SGIP1: variants seen among roughly 807,000 people sequenced by gnomAD.
SGIP1 encodes SH3GL interacting endocytic adaptor 1, also known as SH3-containing GRB2-like protein 3-interacting protein 1.
Under a neutral mutation model 107.5 loss-of-function variants are expected in SGIP1, and 38 were observed. The ratio of observed to expected loss-of-function variants is 0.35; its 90% confidence interval spans 0.27 to 0.46. The LOEUF (loss-of-function observed/expected upper bound fraction) is 0.46. SGIP1 is among the 20% of genes least tolerant of loss of function. SGIP1 has a pLI of 1.00. For missense variants in SGIP1, 929 were observed against 1,019.5 expected, an observed-to-expected ratio of 0.91 and a Z score of 1.21; for synonymous variants, 365 against 366.1, an observed-to-expected ratio of 1.00 and a Z score of 0.03.
intron 1 of SGIP1, among the ~76,000 whole-genome samples, chr1:66,596,668 G>C (rs1376144525): frequency 6.6e-6 from 1 of 151,240 alleles, no homozygotes; most frequent in Non-Finnish European, 1.5e-5. Context: ...TATCAGCCTA[G>C]GCATTTGGCT....
chr1:66,721,764 G>A (rs1419220279), intron 19 of SGIP1, among the ~76,000 whole-genome samples: 1 of 152,098 alleles, frequency 6.6e-6, no homozygotes, highest in Non-Finnish European at 1.5e-5. Flanking sequence ...ATACCTGAGT[G>A]AAAACCGCTG....
chr1:66,602,640 TAATA>T (rs59060604), intron 1 of SGIP1, among the ~76,000 whole-genome samples: 20 of 150,638 alleles, frequency 1.3e-4, no homozygotes, highest in Middle Eastern at 3.4e-3. Flanking sequence ...TAAAGTATAA[TAATA>T]AATAAATAAA....
intron 17 of SGIP1, 75 bp from the exon 18 acceptor site, chr1:66,695,359 C>G (rs2090706344): frequency 6.2e-7 from 1 of 1,609,748 alleles, no homozygotes; most frequent in African/African-American, 1.3e-5. Context: ...ATGACCTGCT[C>G]TGTAACTCAC....
Position 66,723,591 on chromosome 1 carries a change from C to T in SGIP1, c.1742+4186C>T, listed in dbSNP as rs181773902. 7.2e-3 allele frequency among the ~76,000 whole-genome samples: 1,092 copies of T among 152,300 alleles called. 14 individuals are homozygous for T. Among genetic ancestry groups the T allele is most frequent in the African/African-American group, 0.025 (1,034 of 41,566 alleles). On this transcript the variant is annotated intron_variant, in intron 19 of 24. Transcript: ENST00000371037. ...CTCTCTTATCCTTCTTTTATCATCA[C>T]ATTTTAATTATTTATTCAGTATCTG...
At chr1:66,630,846 A>G (rs1224010661) in intron 2 of SGIP1, among the ~76,000 whole-genome samples, 1 of 21,584 alleles carries the variant, frequency 4.6e-5, no homozygotes, top group African/African-American at 2.9e-4. Flanking sequence ...AAAGAAAGAA[A>G]GAAAGAAAGA....
chr1:66,691,619 T>C (rs1168011256), intron 17 of SGIP1, among the ~76,000 whole-genome samples: 1 of 106,428 alleles, frequency 9.4e-6, no homozygotes, highest in Non-Finnish European at 2.1e-5. Context: ...CTCTGTTTTG[T>C]TTGTTTGTTT....
In SGIP1 at chr1:66,651,540, T is replaced by G. The variant is rs572989339; in HGVS notation, c.459+7821T>G. 3.4e-5 allele frequency among the ~76,000 whole-genome samples: 5 copies of G among 148,760 alleles called. No individual in the cohort carries two copies. The East Asian group carries it at 9.8e-4, about 29-fold the overall frequency. The stretch of plus-strand genomic sequence containing the variant: ...TTCAAAATATTTTACATACAATTTC[T>G]GAATGCTCACATGAAATAAACTCTT... On this transcript the variant is annotated intron_variant, in intron 7 of 24. Coordinates refer to ENST00000371037, the MANE Select transcript of SGIP1 (RefSeq NM_032291.4).
At position 66,599,679 on chromosome 1, in the gene SGIP1, C is replaced by T. The variant is rs77524962; in HGVS notation, c.11-26168C>T. Among the ~76,000 whole-genome samples the T allele has an allele frequency of 1.9e-3, 284 of 152,152 alleles. 3 individuals are homozygous for T. Among genetic ancestry groups the T allele is most frequent in the African/African-American group, 6.4e-3 (267 of 41,510 alleles). On this transcript the variant is annotated intron_variant, in intron 1 of 24. Transcript: ENST00000371037. The stretch of plus-strand genomic sequence containing the variant: ...GCTGCCCCACTTGATTTTGAGTATA[C>T]GAGGAAAATGTACAAAATACTATGA...
chr1:66,707,680 A>G, intron 18 of SGIP1, among the ~76,000 whole-genome samples: 1 of 152,194 alleles, frequency 6.6e-6, no homozygotes, highest in South Asian at 2.1e-4. Flanking sequence ...TTCTCCCACC[A>G]GCAGTTGCAT....
intron 1 of SGIP1, among the ~76,000 whole-genome samples, chr1:66,568,710 A>C (rs2148562935): frequency 6.6e-6 from 1 of 152,128 alleles, no homozygotes; most frequent in East Asian, 1.9e-4. Context: ...AGGCTGGTTC[A>C]ACATACGCAA....
chr1:66,573,092 G>C (rs1205477923), intron 1 of SGIP1, among the ~76,000 whole-genome samples: 2 of 152,012 alleles, frequency 1.3e-5, no homozygotes, highest in Admixed American at 6.6e-5. Flanking sequence ...AATTGGTGTA[G>C]GGTTTCTTCG....
intron 1 of SGIP1, among the ~76,000 whole-genome samples, chr1:66,620,267 A>T (rs1423602113): frequency 6.6e-6 from 1 of 152,196 alleles, no homozygotes; most frequent in East Asian, 1.9e-4. Context: ...ACACCAGTAA[A>T]CACACTAATT....
At position 66,744,207 on chromosome 1, in the gene SGIP1, A is replaced by C. The variant is rs992988329; in HGVS notation, c.*1112A>C. 5.3e-5 allele frequency: 8 copies of C among 152,316 alleles called. No homozygotes were observed. The highest frequency in any genetic ancestry group is 2.0e-4 in the Admixed American group (3 of 15,304). The allele number at this position is 152,316 out of a possible 1,614,324, so 9.4% of individuals were successfully genotyped here. Reference sequence around the variant, plus strand: ...GAGAATGAAAAAATAAGCTTCATAAATGAAATTCTATTCACATTACTGTGT... The same window carrying C: ...GAGAATGAAAAAATAAGCTTCATAACTGAAATTCTATTCACATTACTGTGT... On this transcript the variant is annotated 3_prime_UTR_variant, in exon 25 of 25. Transcript: ENST00000371037.
intron 18 of SGIP1, among the ~76,000 whole-genome samples, chr1:66,697,279 C>T (rs2091105486): frequency 1.3e-5 from 2 of 152,190 alleles, no homozygotes; most frequent in East Asian, 1.9e-4. Context: ...TGTGGAATAA[C>T]ATATCACATT....
chr1:66,588,183 G>T (rs1424339466), intron 1 of SGIP1, among the ~76,000 whole-genome samples: 1 of 151,946 alleles, frequency 6.6e-6, no homozygotes. Context: ...TCTTTGATTC[G>T]GGAGATTGCC....
intron 18 of SGIP1, among the ~76,000 whole-genome samples, chr1:66,696,332 C>T (rs1337960836): frequency 1.3e-5 from 2 of 152,114 alleles, no homozygotes; most frequent in Non-Finnish European, 2.9e-5. Context: ...AAAGATTTAT[C>T]ACATAAAATC....
chr1:66,729,507 C>A, intron 20 of SGIP1, 88 bp downstream of exon 20: 1 of 1,480,312 alleles, frequency 6.8e-7, no homozygotes, highest in South Asian at 1.3e-5. Flanking sequence ...GCAACAGGGT[C>A]GCACTATAGT....
At chr1:66,580,531 A>G (rs2061675309) in intron 1 of SGIP1, among the ~76,000 whole-genome samples, 1 of 152,144 alleles carries the variant, frequency 6.6e-6, no homozygotes, top group Non-Finnish European at 1.5e-5. Context: ...ATCTGACACA[A>G]GATGTTTATT....
At chr1:66,673,255 A>T in intron 11 of SGIP1, 26 bp from the exon 12 acceptor site, 1 of 1,609,878 alleles carries the variant, frequency 6.2e-7, no homozygotes, top group Non-Finnish European at 8.5e-7. Flanking sequence ...CTTTCCCTGT[A>T]TTTTGCCTTA....
Sources: gnomAD v4.1 joint callset for allele counts (sites outside exome capture counted in the v4.1 genomes callset) on GRCh38, gnomAD v4.1.1 for gene constraint, MANE v1.5 for transcripts, NCBI Gene and HGNC (gene_info 2026-07-23, HGNC 2026-07-21) for gene names.